The following PANK2 variants were observed in gnomAD, a reference collection of about 807,000 sequenced individuals.
PANK2 encodes the protein pantothenate kinase 2.
Under a neutral mutation model 43.1 loss-of-function variants are expected in PANK2, and 36 were observed. The observed-to-expected ratio is 0.84, with a 90% CI of 0.64 to 1.10. The LOEUF (loss-of-function observed/expected upper bound fraction) is 1.10. Ranked by LOEUF, PANK2 falls within the 50% of genes least tolerant of loss-of-function variation. The pLI is 0.00. For synonymous variants in PANK2, 281 were observed against 238.2 expected, an observed-to-expected ratio of 1.18 and a Z score of -1.66; for missense variants, 576 against 593.3, an observed-to-expected ratio of 0.97 and a Z score of 0.30.
intron 1 of PANK2, among the ~76,000 whole-genome samples, chr20:3,902,245 C>T (rs1437999108): frequency 6.6e-6 from 1 of 151,078 alleles, no homozygotes; most frequent in East Asian, 1.9e-4. Flanking sequence ...TAGCTTGCTA[C>T]GACCTTGACC....
At chr20:3,888,950 AGACGCTGCGGG>A, upstream of PANK2, 1 of 571,808 alleles carries the variant, frequency 1.7e-6, no homozygotes, top group Non-Finnish European at 2.9e-6. Context: ...ACCAGCGGCC[AGACGCTGCGGG>A]AGCACTGCTG....
intron 4 of PANK2, among the ~76,000 whole-genome samples, chr20:3,912,887 G>A (rs1403870235): frequency 6.8e-6 from 1 of 146,974 alleles, no homozygotes; most frequent in African/African-American, 2.5e-5. Context: ...GAGGTGGAGG[G>A]TGCGGTGAGC....
At position 3,925,728 on chromosome 20, in the gene PANK2, G is replaced by A. The variant is rs534147076; in HGVS notation, c.*2434G>A. On this transcript the variant is annotated 3_prime_UTR_variant, in exon 7 of 7. Transcript: ENST00000610179. ...CAGCCTCAGTCCTGGGTCTCCCCAA[G>A]CAGTCATTAGCATCACCTTGACTGA... 1 of 152,354 alleles carries A rather than the reference G, an allele frequency of 6.6e-6. No individual in the cohort carries two copies. Among genetic ancestry groups the A allele is most frequent in the African/African-American group, 2.4e-5 (1 of 41,552 alleles). The allele number at this position is 152,354 out of a possible 1,614,324, so 9.4% of individuals were successfully genotyped here.
chr20:3,920,529 A>AAAC (rs368099328), intron 6 of PANK2, among the ~76,000 whole-genome samples: 1 of 149,228 alleles, frequency 6.7e-6, no homozygotes, highest in African/African-American at 2.5e-5. Flanking sequence ...AAACAAAAAC[A>AAAC]AACAACAACA....
intron 1 of PANK2, among the ~76,000 whole-genome samples, chr20:3,891,027 G>A (rs1310384254): frequency 6.6e-6 from 1 of 152,108 alleles, no homozygotes; most frequent in South Asian, 2.1e-4. Flanking sequence ...ATAGCCATTA[G>A]CCACAAGGGT....
chr20:3,894,438 C>A (rs2146821138), intron 1 of PANK2, among the ~76,000 whole-genome samples: 1 of 151,502 alleles, frequency 6.6e-6, no homozygotes. Context: ...CAAGGTTTCT[C>A]CATGTTGGTC....
rs900029995 is a variant in PANK2, at chr20:3,927,858, C to T, written c.*4564C>T. On this transcript the variant is annotated 3_prime_UTR_variant, in exon 7 of 7. Transcript: ENST00000610179. ...ACAAGTCTGCTGACACTGGTGGGGC[C>T]CTTACAGTCACAGAAGTAAGGACTG... 1.1e-4 allele frequency: 17 copies of T among 152,146 alleles called. No individual in the cohort carries two copies. The highest frequency in any genetic ancestry group is 9.2e-4 in the Admixed American group (14 of 15,278). The allele number at this position is 152,146 out of a possible 1,614,324, so 9.4% of individuals were successfully genotyped here. A position where few individuals can be genotyped will look rare whatever the true frequency, so the allele number is the denominator to read the frequency against.
At chr20:3,889,806 G>A (rs564260909) in intron 1 of PANK2, 78 bp downstream of exon 1, 1 of 1,468,058 alleles carries the variant, frequency 6.8e-7, no homozygotes, top group South Asian at 1.2e-5. Context: ...CGGCCCCGCC[G>A]CCGTTTTTCC....
rs2090601966 is a variant in PANK2, at chr20:3,918,750, A to G, written c.1286A>G (p.Asp429Gly). ...ATGCGGCTTTTGGCATATGCTTTGG[A>G]TTATTGGTCCAAGGGGCAGTTGAAA... Residue 429 changes from aspartate to glycine, a missense_variant, in exon 6 of 7, where the codon GAT becomes GGT. By Grantham distance (94) the Asp-to-Gly change is moderately conservative. Around this residue, in one of 2 missense-constraint regions of PANK2, gnomAD observed 32 missense variants for 64.3 expected, o/e 0.50. Transcript: ENST00000610179. 6.2e-7 allele frequency: 1 copy of G among 1,614,154 alleles called. No individual in the cohort carries two copies. Among genetic ancestry groups the G allele is most frequent in the Non-Finnish European group, 8.5e-7 (1 of 1,180,046 alleles).
At chr20:3,898,716 A>G (rs1422163127) in intron 1 of PANK2, among the ~76,000 whole-genome samples, 1 of 152,046 alleles carries the variant, frequency 6.6e-6, no homozygotes, top group African/African-American at 2.4e-5. Context: ...TTAATTTCTA[A>G]TTTTGAAGTT....
rs1444204446 is a variant in PANK2 at position 3,893,924 on chromosome 20, GTTTTTTGTT to G, written c.298+4203_298+4211del. ...CAAGATGGGAGTTTTTTTTTTGTTTGTTTTTTGTTTTTTTTTTTTTTTTTTTAGAGGAGT... is the reference window on the plus strand; with the variant it reads ...CAAGATGGGAGTTTTTTTTTTGTTTGTTTTTTTTTTTTTTTTTAGAGGAGT... On this transcript the variant is annotated intron_variant, in intron 1 of 6. Transcript: ENST00000610179. 5.4e-4 allele frequency among the ~76,000 whole-genome samples: 67 copies of G among 124,882 alleles called. 5 individuals are homozygous for G. Among genetic ancestry groups the G allele is most frequent in the Admixed American group, 6.6e-4 (8 of 12,188 alleles). The allele number at this position is 124,882 out of a possible 152,430, so 81.9% of individuals were successfully genotyped here. A position where few individuals can be genotyped will look rare whatever the true frequency, so the allele number is the denominator to read the frequency against.
chr20:3,922,244 A>G (rs1244116717), intron 6 of PANK2, among the ~76,000 whole-genome samples: 3 of 152,192 alleles, frequency 2.0e-5, no homozygotes, highest in Non-Finnish European at 2.9e-5. Context: ...ACCCTGATGG[A>G]TTCTGCATCG....
chr20:3,919,710 G>T (rs139475543), intron 6 of PANK2, among the ~76,000 whole-genome samples: 2 of 152,126 alleles, frequency 1.3e-5, no homozygotes. Context: ...TCCCTTCTTG[G>T]TTGTGGGGCA....
chr20:3,890,693 G>A (rs1374609521), intron 1 of PANK2, among the ~76,000 whole-genome samples: 2 of 152,216 alleles, frequency 1.3e-5, no homozygotes, highest in African/African-American at 2.4e-5. Flanking sequence ...ATGGCAAGAT[G>A]TGAGATTTTT....
intron 3 of PANK2, among the ~76,000 whole-genome samples, chr20:3,911,583 CAAAA>C (rs11414834): frequency 6.9e-6 from 1 of 145,828 alleles, no homozygotes; most frequent in African/African-American, 2.6e-5. Flanking sequence ...GACTCCGTCT[CAAAA>C]AAAAAAGAAA....
chr20:3,910,407 CTG>C (rs1324539820), intron 2 of PANK2, among the ~76,000 whole-genome samples, 168 bp from the exon 3 acceptor site: 1 of 151,634 alleles, frequency 6.6e-6, no homozygotes, highest in African/African-American at 2.4e-5. Flanking sequence ...TGTCTCAGCA[CTG>C]TGTCCCTAGG....
At chr20:3,900,338 T>C (rs1049145429) in intron 1 of PANK2, among the ~76,000 whole-genome samples, 1 of 151,878 alleles carries the variant, frequency 6.6e-6, no homozygotes, top group East Asian at 1.9e-4. Context: ...GCACCTCTTG[T>C]AATGTGAGCA....
At chr20:3,889,128 C>G, upstream of PANK2, 3 of 1,555,802 alleles carry the variant, frequency 1.9e-6, no homozygotes, top group Non-Finnish European at 2.6e-6. Flanking sequence ...CTTCCACCCA[C>G]GCGTCCATTG....
chr20:3,889,445 C>T lies in PANK2; in HGVS notation c.15C>T (p.Leu5=), dbSNP rs1305601522. 2 of 1,551,830 alleles carry T rather than the reference C, an allele frequency of 1.3e-6. No homozygotes were observed. The highest frequency in any genetic ancestry group is 8.7e-7 in the Non-Finnish European group (1 of 1,155,240). The stretch of plus-strand genomic sequence containing the variant: ...GGAATCCGACGCTGGGGGGCTTGCT[C>T]GGGCGGCAGCGACTGCTGCTGCGGA... The change falls in exon 1 of 7, where the codon CTC becomes CTT. Residue 5 remains leucine, a synonymous_variant. Transcript: ENST00000610179.
Sources: gnomAD v4.1 joint callset for allele counts (sites outside exome capture counted in the v4.1 genomes callset) on GRCh38, gnomAD v4.1.1 for gene constraint, gnomAD v4.1.1 regional missense constraint, MANE v1.5 for transcripts, NCBI Gene and HGNC (gene_info 2026-07-23, HGNC 2026-07-21) for gene names.